The following VPS50 variants were observed in gnomAD, a reference collection of about 807,000 sequenced individuals.
The protein encoded by VPS50 is syndetin.
VPS50 carries 70 observed loss-of-function variants against 139.7 expected under a neutral mutation model. That is an observed-to-expected ratio of 0.50 (90% CI 0.41 to 0.61). VPS50 has a LOEUF of 0.61. VPS50 is among the 20% of genes least tolerant of loss of function. The pLI is 0.00. For missense variants in VPS50, 921 were observed against 1,133.7 expected (o/e 0.81, Z 2.69); for synonymous variants, 365 against 376.7 (o/e 0.97, Z 0.36).
At chr7:93,342,707 C>A (rs912424527) in intron 23 of VPS50, among the ~76,000 whole-genome samples, 3 of 152,212 alleles carry the variant, frequency 2.0e-5, no homozygotes, top group East Asian at 1.9e-4. Context: ...GGGAGGCACC[C>A]CCCAGCAGGG....
At chr7:93,325,709 C>A (rs1797749785) in intron 21 of VPS50, among the ~76,000 whole-genome samples, 1 of 152,030 alleles carries the variant, frequency 6.6e-6, no homozygotes. Context: ...CTCACCATCA[C>A]TGGACATCAG....
At chr7:93,344,255 G>A (rs1228707470) in intron 23 of VPS50, among the ~76,000 whole-genome samples, 1 of 152,042 alleles carries the variant, frequency 6.6e-6, no homozygotes, top group Non-Finnish European at 1.5e-5. Flanking sequence ...AATGATAAAG[G>A]GATCAATTCA....
chr7:93,334,986 A>G (rs189475246), intron 22 of VPS50, among the ~76,000 whole-genome samples: 13 of 152,242 alleles, frequency 8.5e-5, no homozygotes, highest in African/African-American at 2.6e-4. Context: ...CTCCTTTTTC[A>G]TAAGCTCTAT....
At chr7:93,287,142 T>C (rs1796514164) in intron 12 of VPS50, among the ~76,000 whole-genome samples, 1 of 152,084 alleles carries the variant, frequency 6.6e-6, no homozygotes, top group Non-Finnish European at 1.5e-5. Context: ...TTGCTGGTGC[T>C]GCGTGTATCA....
rs145278966 is a variant in VPS50 at position 93,255,386 on chromosome 7, G to A, written c.298-1123G>A. ...GCTCTTATGAGAATCTAATGCCACC[G>A]CTGATCTGATGAGAGGTGGAGCTCA... On this transcript the variant is annotated intron_variant, in intron 4 of 27. Transcript: ENST00000305866. Among the ~76,000 whole-genome samples the A allele has an allele frequency of 9.9e-5, 15 of 152,218 alleles. No individual in the cohort carries two copies. The East Asian group carries it at 2.7e-3, about 28-fold the overall frequency.
chr7:93,274,541 G>GA (rs933039646), intron 11 of VPS50, among the ~76,000 whole-genome samples: 17 of 150,802 alleles, frequency 1.1e-4, no homozygotes, highest in East Asian at 5.8e-4. Flanking sequence ...CACCTGCTCA[G>GA]AAAAAAAAAT....
intron 26 of VPS50, among the ~76,000 whole-genome samples, chr7:93,355,113 CTT>C (rs142584962): frequency 4.2e-5 from 4 of 94,762 alleles, no homozygotes; most frequent in African/African-American, 1.2e-4. Flanking sequence ...ATAAAATACT[CTT>C]TTTTAAAAAA....
chr7:93,306,143 AC>A (rs1212789877), intron 18 of VPS50, 139 bp downstream of exon 18: 2 of 614,718 alleles, frequency 3.3e-6, no homozygotes, highest in Non-Finnish European at 5.8e-6. Context: ...CTATGCTATT[AC>A]ATTTATAGAT....
Position 93,348,775 on chromosome 7 carries a change from A to G in VPS50, c.2272A>G (p.Lys758Glu). Reference sequence around the variant, plus strand: ...TCTGGATGCTGTGATGCCTGCAGTCAAAAAGCCCTTTCTTCAGCAGTTCTA... The same window carrying G: ...TCTGGATGCTGTGATGCCTGCAGTCGAAAAGCCCTTTCTTCAGCAGTTCTA... ...PHLDAVMPAV[K>E]KPFLQQFYSQ... The change falls in exon 24 of 28, where the codon AAA (lysine) becomes GAA (glutamate). Residue 758 changes from lysine to glutamate, a missense_variant. This residue lies in a region of VPS50 where 744 missense variants were observed against 930.6 expected (regional missense o/e 0.80). Coordinates refer to ENST00000305866, the MANE Select transcript of VPS50 (RefSeq NM_017667.4). 6.2e-7 allele frequency: 1 copy of G among 1,612,994 alleles called. No homozygotes were observed. Among genetic ancestry groups the G allele is most frequent in the Non-Finnish European group, 8.5e-7 (1 of 1,179,058 alleles).
At chr7:93,307,198 CAT>C (rs1257125810) in intron 18 of VPS50, among the ~76,000 whole-genome samples, 7 of 151,854 alleles carry the variant, frequency 4.6e-5, no homozygotes, top group Non-Finnish European at 8.8e-5. Context: ...CGGGTTACGA[CAT>C]GTTTATCAGC....
chr7:93,263,102 T>C (rs1240679287), intron 9 of VPS50, among the ~76,000 whole-genome samples: 1 of 152,172 alleles, frequency 6.6e-6, no homozygotes, highest in Admixed American at 6.5e-5. Flanking sequence ...CAGTACAGTG[T>C]TGCACCTGTT....
intron 21 of VPS50, 142 bp from the exon 22 acceptor site, chr7:93,333,975 C>T: frequency 4.7e-6 from 3 of 640,520 alleles, no homozygotes; most frequent in Non-Finnish European, 8.3e-6. Context: ...GTTTGATGTG[C>T]TAGAATTTGT....
Position 93,258,371 on chromosome 7 carries a change from A to G in VPS50, c.555A>G (p.Val185=). The G allele has an allele frequency of 6.2e-7, 1 of 1,613,070 alleles. No individual in the cohort carries two copies. The highest frequency in any genetic ancestry group is 8.5e-7 in the Non-Finnish European group (1 of 1,179,244). ...TGTTTTTTCAGCAAAGAACAGATGT[A>G]CGGTTAAGTGAAATGCTGGAGGTAA... ...RTIKTLQRTD[V]RLSEMLEEED... is the part of the protein sequence containing the mutation. The change falls in exon 8 of 28, where the codon GTA becomes GTG. Residue 185 remains valine (V), a synonymous_variant. Transcript: ENST00000305866.
In VPS50 at chr7:93,323,721, C is replaced by T. The variant is rs548286359; in HGVS notation, c.1966C>T (p.Arg656Trp). 26 of 1,411,416 alleles carry T rather than the reference C, an allele frequency of 1.8e-5. No individual in the cohort carries two copies. Among genetic ancestry groups the T allele is most frequent in the East Asian group, 1.6e-4 (6 of 37,302 alleles). 87.4% of individuals were successfully genotyped at this position (1,411,416 alleles called of 1,614,324 possible). A position where few individuals can be genotyped will look rare whatever the true frequency, so the allele number is the denominator to read the frequency against. Residue 656 changes from arginine (R) to tryptophan (W), a missense_variant, in exon 21 of 28, where the codon CGG becomes TGG. By Grantham distance (101) the Arg-to-Trp change is moderately radical. Transcript: ENST00000305866. ...GTATGCAATATATACCTTTTTTGGT[C>T]GGAATGATTCAGTAAGTCCACCTTT... is the stretch of plus-strand genomic sequence containing the variant. The part of the protein sequence containing the change: ...YLYAIYTFFG[R>W]NDSLESTGLG...
chr7:93,315,792 T>C (rs1268528023), intron 20 of VPS50, among the ~76,000 whole-genome samples: 2 of 152,114 alleles, frequency 1.3e-5, no homozygotes, highest in African/African-American at 4.8e-5. Context: ...AAATCAGTTC[T>C]TTTTTTGCCA....
chr7:93,280,330 CT>C (rs553346193), intron 12 of VPS50, among the ~76,000 whole-genome samples: 6 of 151,784 alleles, frequency 4.0e-5, no homozygotes, highest in Non-Finnish European at 8.8e-5. Flanking sequence ...TGTTTAGGTT[CT>C]TTTTTTAAAA....
rs954221539 is a variant in VPS50 at position 93,358,635 on chromosome 7, C to T, written c.*199C>T. The T allele has an allele frequency of 1.3e-5, 6 of 476,410 alleles. No individual in the cohort carries two copies. Among genetic ancestry groups the T allele is most frequent in the Middle Eastern group, 5.7e-4 (1 of 1,766 alleles). 29.5% of individuals were successfully genotyped at this position (476,410 alleles called of 1,614,324 possible). ...TGCTGTGGTCTCTTCAACTTTTGGT[C>T]TCATTTGTTGTAATCTGAAATGATG... On this transcript the variant is annotated 3_prime_UTR_variant, in exon 28 of 28. Coordinates refer to ENST00000305866, the MANE Select transcript of VPS50 (RefSeq NM_017667.4).
rs529641930 is a variant in VPS50 at position 93,272,465 on chromosome 7, A to G, written c.703-170A>G. Among the ~76,000 whole-genome samples, 4 of 152,044 alleles carry G rather than the reference A, an allele frequency of 2.6e-5. No individual in the cohort carries two copies. The East Asian group carries it at 7.7e-4, about 29-fold the overall frequency. On this transcript the variant is annotated intron_variant, in intron 10 of 27. Transcript: ENST00000305866. ...GATTATAGTTGCTAATAAATTTACAATTGCAATTTATAACTTTATTTAAAT... is the reference window on the plus strand; with the variant it reads ...GATTATAGTTGCTAATAAATTTACAGTTGCAATTTATAACTTTATTTAAAT...
At chr7:93,350,958 C>A (rs1160009274) in intron 25 of VPS50, among the ~76,000 whole-genome samples, 2 of 152,188 alleles carry the variant, frequency 1.3e-5, no homozygotes, top group Non-Finnish European at 2.9e-5. Context: ...ATCATTCTTA[C>A]CTGCTTAGAC....
Sources: allele counts gnomAD v4.1 joint callset (sites outside exome capture counted in the v4.1 genomes callset), GRCh38; gene constraint gnomAD v4.1.1; regional missense constraint gnomAD v4.1.1; transcripts MANE v1.5; gene names NCBI Gene and HGNC (gene_info 2026-07-23, HGNC 2026-07-21).